ZNF483: variants seen among roughly 807,000 people sequenced by gnomAD.
ZNF483 encodes the protein zinc finger protein HIT-10.
Under a neutral mutation model 28.6 loss-of-function variants are expected in ZNF483, and 9 were observed. That is an observed-to-expected ratio of 0.32 (90% CI 0.19 to 0.55). The LOEUF (loss-of-function observed/expected upper bound fraction) is 0.55, where lower values mean the gene tolerates loss of function less well. Ranked by LOEUF, ZNF483 falls within the 20% of genes least tolerant of loss-of-function variation. ZNF483 has a pLI of 0.93. For synonymous variants in ZNF483, 322 were observed against 306.2 expected, an observed-to-expected ratio of 1.05 and a Z score of -0.54; for missense variants, 675 against 871.7, an observed-to-expected ratio of 0.77 and a Z score of 2.84.
At chr9:111,556,066 G>C (rs1055520285), downstream of ZNF483, among the ~76,000 whole-genome samples, 4 of 152,222 alleles carry the variant, frequency 2.6e-5, no homozygotes, top group African/African-American at 7.2e-5. Flanking sequence ...ATAGAACAGG[G>C]GTACAGACAC....
chr9:111,541,744 G>A lies in ZNF483; in HGVS notation c.809G>A (p.Ser270Asn). The A allele has an allele frequency of 6.2e-7, 1 of 1,614,202 alleles. No individual in the cohort carries two copies. Among genetic ancestry groups the A allele is most frequent in the Non-Finnish European group, 8.5e-7 (1 of 1,180,032 alleles). ...GAAGAATCCCAGCAATATTGTGGCA[G>A]CTCAGAGGAGGATCACGGTAATCAG... is the stretch of plus-strand genomic sequence containing the variant. ...LMEESQQYCG[S>N]SEEDHGNQGN... The change falls in exon 6 of 6, where the codon AGC (serine) becomes AAC (asparagine). Residue 270 changes from serine (S) to asparagine (N), a missense_variant. Physicochemically the swap from Ser to Asn is conservative, Grantham distance 46. This residue lies in a region of ZNF483 where 525 missense variants were observed against 581.8 expected (regional missense o/e 0.90). Transcript: ENST00000309235.
chr9:111,536,969 T>C (rs1377479306), intron 5 of ZNF483, among the ~76,000 whole-genome samples: 3 of 152,176 alleles, frequency 2.0e-5, no homozygotes, highest in African/African-American at 7.2e-5. Context: ...CAATTGCAGC[T>C]GCAGACCTCA....
intron 5 of ZNF483, among the ~76,000 whole-genome samples, chr9:111,571,307 G>A (rs1381525435): frequency 6.7e-6 from 1 of 149,598 alleles, no homozygotes; most frequent in Non-Finnish European, 1.5e-5. Context: ...AGCTACTCAG[G>A]AGGCTGAGGC....
intron 5 of ZNF483, among the ~76,000 whole-genome samples, chr9:111,568,960 G>T (rs1828693460): frequency 6.6e-6 from 1 of 152,096 alleles, no homozygotes; most frequent in Non-Finnish European, 1.5e-5. Context: ...ATTAGACATG[G>T]GTACGACAGA....
At chr9:111,562,162 C>CAT (rs1564608572) in intron 5 of ZNF483, among the ~76,000 whole-genome samples, 1 of 152,098 alleles carries the variant, frequency 6.6e-6, no homozygotes, top group African/African-American at 2.4e-5. Context: ...CGTGAGCCAC[C>CAT]GCGCCCGGCC....
At chr9:111,569,010 T>C (rs573970275) in intron 5 of ZNF483, among the ~76,000 whole-genome samples, 2 of 152,306 alleles carry the variant, frequency 1.3e-5, no homozygotes, top group South Asian at 2.1e-4. Flanking sequence ...ATTGAGAAAC[T>C]AGAAGTATAG....
chr9:111,534,118 T>C (rs1372834669), intron 4 of ZNF483, 143 bp from the exon 5 acceptor site: 2 of 798,588 alleles, frequency 2.5e-6, no homozygotes, highest in East Asian at 4.9e-5. Context: ...TTTCCCATTT[T>C]TGTCTCAAGT....
chr9:111,532,850 A>T (rs898818383), intron 3 of ZNF483, among the ~76,000 whole-genome samples: 1 of 151,914 alleles, frequency 6.6e-6, no homozygotes, highest in African/African-American at 2.4e-5. Flanking sequence ...TGGAGGTTGC[A>T]GTGAGCCGAG....
In ZNF483 at chr9:111,551,811, G is replaced by C. The variant is rs907714616; in HGVS notation, c.*8641G>C. On this transcript the variant is annotated 3_prime_UTR_variant, in exon 6 of 6. Transcript: ENST00000309235. ...TTTCAAAACTTTTTAAGTAAATTCA[G>C]TAACATATCAATTCAGTTTATTAGC... Among the ~76,000 whole-genome samples, 1 of 152,116 alleles carries C rather than the reference G, an allele frequency of 6.6e-6. No individual in the cohort carries two copies. Among genetic ancestry groups the C allele is most frequent in the South Asian group, 2.1e-4 (1 of 4,830 alleles).
chr9:111,529,790 A>G (rs1827273917), intron 2 of ZNF483, among the ~76,000 whole-genome samples: 2 of 152,190 alleles, frequency 1.3e-5, no homozygotes, highest in Admixed American at 1.3e-4. Context: ...TGTTTTAAAG[A>G]GTGGGACAAC....
intron 5 of ZNF483, among the ~76,000 whole-genome samples, chr9:111,537,648 A>G (rs1827550460): frequency 6.6e-6 from 1 of 151,914 alleles, no homozygotes; most frequent in Non-Finnish European, 1.5e-5. Flanking sequence ...TTATTTTGTG[A>G]CAGGGTCTTG....
chr9:111,563,943 T>TA (rs1317429582), intron 5 of ZNF483: 1 of 154,216 alleles, frequency 6.5e-6, no homozygotes, highest in Admixed American at 6.5e-5. Flanking sequence ...TCAGGAAATA[T>TA]AAATGGCAGG....
chr9:111,543,758 T>G lies in ZNF483; in HGVS notation c.*588T>G. 4.2e-6 allele frequency: 4 copies of G among 950,328 alleles called. No homozygotes were observed. Among genetic ancestry groups the G allele is most frequent in the Non-Finnish European group, 5.0e-6 (4 of 804,420 alleles). 58.9% of individuals were successfully genotyped at this position (950,328 alleles called of 1,614,324 possible). ...AATACCACTATTCAGGATGCTGGACTTCTTTTCTTTTTTTTTTCTTTTTTT... is the reference window on the plus strand; with the variant it reads ...AATACCACTATTCAGGATGCTGGACGTCTTTTCTTTTTTTTTTCTTTTTTT... On this transcript the variant is annotated 3_prime_UTR_variant, in exon 6 of 6. Coordinates refer to ENST00000309235, the MANE Select transcript of ZNF483 (RefSeq NM_133464.5).
In ZNF483 at chr9:111,571,254, A is replaced by G. The variant is rs534454318; in HGVS notation, c.722-5111A>G. Among the ~76,000 whole-genome samples, 13 of 149,364 alleles carry G rather than the reference A, an allele frequency of 8.7e-5. 3 individuals carry two copies. The East Asian group carries it at 2.6e-3, about 30-fold the overall frequency. On this transcript the variant is annotated intron_variant, in intron 5 of 5. Transcript: ENST00000358151. ...TGGTGAAACCCTGTCTCTACTAAAA[A>G]TACAAAAATTAGCTGGGCATGGTGG...
At chr9:111,534,204 TG>T in intron 4 of ZNF483, 56 bp from the exon 5 acceptor site, 1 of 1,409,744 alleles carries the variant, frequency 7.1e-7, no homozygotes. Context: ...ATGTGAATGC[TG>T]GGATATCTTT....
intron 3 of ZNF483, 57 bp downstream of exon 3, chr9:111,531,020 G>T: frequency 2.4e-6 from 2 of 848,204 alleles, no homozygotes; most frequent in South Asian, 3.4e-5. Context: ...AGCTCCTACT[G>T]AGTGGTATAA....
chr9:111,542,150 T>C lies in ZNF483; in HGVS notation c.1215T>C (p.Leu405=). ...CGIIFIRRST[L]SRRKTPMCEK... The stretch of plus-strand genomic sequence containing the variant: ...TAATCTTTATTAGAAGATCAACTCT[T>C]TCTAGGAGAAAAACCCCTATGTGTG... The change falls in exon 6 of 6, where the codon CTT becomes CTC. Residue 405 remains leucine, a synonymous_variant. Coordinates refer to ENST00000309235, the MANE Select transcript of ZNF483 (RefSeq NM_133464.5). The surrounding 1 kb of genome is among the most constrained non-coding windows in gnomAD (Gnocchi z 6.2). 1 of 1,614,108 alleles carries C rather than the reference T, an allele frequency of 6.2e-7. No homozygotes were observed. The highest frequency in any genetic ancestry group is 8.5e-7 in the Non-Finnish European group (1 of 1,180,022).
intron 5 of ZNF483, among the ~76,000 whole-genome samples, chr9:111,566,503 C>A (rs1047602448): frequency 2.6e-5 from 4 of 152,186 alleles, no homozygotes; most frequent in Non-Finnish European, 5.9e-5. Context: ...AACATGATGT[C>A]ATTTTTCCCC....
rs1827411483 is a variant in ZNF483 at position 111,533,966 on chromosome 9, T to C, written c.628+101T>C. 6.2e-6 allele frequency: 9 copies of C among 1,460,508 alleles called. No homozygotes were observed. In the East Asian group the frequency reaches 2.1e-4, roughly 34 times the overall value. 90.5% of individuals were successfully genotyped at this position (1,460,508 alleles called of 1,614,324 possible). A position where few individuals can be genotyped will look rare whatever the true frequency, so the allele number is the denominator to read the frequency against. ...GCTGTGTGAAGTACTTGGTTTTGGC[T>C]GGGGACCCAGGGACTGATAGGACTA... On this transcript the variant is annotated intron_variant, in intron 4 of 5. Transcript: ENST00000309235.
Sources: allele counts gnomAD v4.1 joint callset (sites outside exome capture counted in the v4.1 genomes callset), GRCh38; gene constraint gnomAD v4.1.1; regional missense constraint gnomAD v4.1.1; non-coding constraint Gnocchi (gnomAD v3.1); transcripts MANE v1.5; gene names NCBI Gene and HGNC (gene_info 2026-07-23, HGNC 2026-07-21).